Variants in TMEM120B observed in about 807,000 individuals in gnomAD.
TMEM120B encodes transmembrane protein 120B.
Under a neutral mutation model 55.5 loss-of-function variants are expected in TMEM120B, and 31 were observed. The observed-to-expected ratio is 0.56, with a 90% confidence interval of 0.42 to 0.75. TMEM120B has a LOEUF of 0.75. Among genes scored for constraint, TMEM120B ranks in the 30% least tolerant of loss-of-function variants. The pLI is 0.00. For synonymous variants in TMEM120B, 203 were observed against 176.3 expected, an observed-to-expected ratio of 1.15 and a Z score of -1.20; for missense variants, 399 against 425.5, an observed-to-expected ratio of 0.94 and a Z score of 0.55.
rs753705217 is a variant in TMEM120B, at chr12:121,780,886, T to C, written c.*5164T>C. 2.7e-5 allele frequency: 44 copies of C among 1,613,476 alleles called. No individual in the cohort carries two copies. Among genetic ancestry groups the C allele is most frequent in the African/African-American group, 5.3e-5 (4 of 74,936 alleles). ...CCCCGGCCCACCTGCATGTAGGTGA[T>C]GGGCTCCAGCTGGGCGGCCCGGAGC... On this transcript the variant is annotated 3_prime_UTR_variant, in exon 12 of 12. Transcript: ENST00000449592.
chr12:121,742,409 T>C (rs7955445), intron 1 of TMEM120B, among the ~76,000 whole-genome samples: 2,688 of 152,174 alleles, frequency 0.018, 92 homozygotes, highest in African/African-American at 0.062. Context: ...TAAATCCATC[T>C]CTTCAACTGC....
At position 121,728,641 on chromosome 12, in the gene TMEM120B, A is replaced by G. The variant is rs147791198; in HGVS notation, c.70-14988A>G. ...GGCCGACACTCACTTCTGAAATGGAAACACTCAGCCCCAACTGGGAAGGTA... is the reference window on the plus strand; with the variant it reads ...GGCCGACACTCACTTCTGAAATGGAGACACTCAGCCCCAACTGGGAAGGTA... On this transcript the variant is annotated intron_variant, in intron 1 of 11. Coordinates refer to ENST00000449592, the MANE Select transcript of TMEM120B (RefSeq NM_001080825.2). Among the ~76,000 whole-genome samples the G allele has an allele frequency of 1.4e-3, 214 of 152,244 alleles. 1 individual carries two copies. Among genetic ancestry groups the G allele is most frequent in the African/African-American group, 4.8e-3 (201 of 41,572 alleles).
Position 121,777,970 on chromosome 12 carries a change from T to A in TMEM120B, c.*2248T>A, listed in dbSNP as rs898927734. 6.6e-6 allele frequency: 1 copy of A among 152,126 alleles called. No homozygotes were observed. The highest frequency in any genetic ancestry group is 1.5e-5 in the Non-Finnish European group (1 of 68,054). 9.4% of individuals were successfully genotyped at this position (152,126 alleles called of 1,614,324 possible). A position where few individuals can be genotyped will look rare whatever the true frequency, so the allele number is the denominator to read the frequency against. ...AGGCTCCTTCCTTTGGCAACCTGAC[T>A]TCTTGGAAGCTCAGGTTTAGCTGAC... On this transcript the variant is annotated 3_prime_UTR_variant, in exon 12 of 12. Transcript: ENST00000449592.
At chr12:121,761,204 C>T (rs1297910614) in intron 5 of TMEM120B, among the ~76,000 whole-genome samples, 1 of 152,198 alleles carries the variant, frequency 6.6e-6, no homozygotes. Context: ...GTCTCGAACT[C>T]CTGGCCTCAA....
chr12:121,720,293 C>T (rs1894770554), intron 1 of TMEM120B, among the ~76,000 whole-genome samples: 1 of 152,174 alleles, frequency 6.6e-6, no homozygotes, highest in South Asian at 2.1e-4. Flanking sequence ...GAATCTGTCC[C>T]GCACAGGACG....
intron 6 of TMEM120B, among the ~76,000 whole-genome samples, chr12:121,766,290 G>A (rs1247497085): frequency 2.0e-5 from 3 of 151,036 alleles, no homozygotes; most frequent in Non-Finnish European, 4.4e-5. Flanking sequence ...CATCAGCTCA[G>A]CATAATAAGC....
intron 5 of TMEM120B, among the ~76,000 whole-genome samples, chr12:121,756,390 C>T (rs1013676851): frequency 1.3e-5 from 2 of 152,116 alleles, no homozygotes; most frequent in South Asian, 2.1e-4. Context: ...CCCAGCTACT[C>T]GGGAGGCCAA....
intron 9 of TMEM120B, 72 bp downstream of exon 9, chr12:121,773,585 C>T (rs1447925824): frequency 2.5e-6 from 3 of 1,209,630 alleles, no homozygotes; most frequent in Non-Finnish European, 2.3e-6. Context: ...GGGAGTGCAG[C>T]CCTGCGAGCA....
chr12:121,770,859 G>A (rs769305240), intron 6 of TMEM120B, 48 bp from the exon 7 acceptor site: 3 of 1,573,900 alleles, frequency 1.9e-6, no homozygotes, highest in South Asian at 1.1e-5. Context: ...ACACATGCCT[G>A]CGTTGCTCTC....
intron 1 of TMEM120B, among the ~76,000 whole-genome samples, chr12:121,732,425 A>T (rs1484289324): frequency 2.0e-5 from 3 of 151,834 alleles, no homozygotes; most frequent in Non-Finnish European, 2.9e-5. Context: ...CCCTGAAATG[A>T]CTCTGGCCAA....
intron 1 of TMEM120B, among the ~76,000 whole-genome samples, chr12:121,735,872 G>A (rs1342338045): frequency 6.6e-6 from 1 of 152,034 alleles, no homozygotes; most frequent in African/African-American, 2.4e-5. Flanking sequence ...TATATTTTTA[G>A]TAGAGACGGG....
Position 121,775,434 on chromosome 12 carries a change from T to G in TMEM120B, c.907-175T>G, listed in dbSNP as rs962644159. The stretch of plus-strand genomic sequence containing the variant: ...GCCCCATCGAGCCCTTCCCAGGCCC[T>G]GCCCAAGCCTGAGGCCTCACCCTTC... On this transcript the variant is annotated intron_variant, in intron 11 of 11. Coordinates refer to ENST00000449592, the MANE Select transcript of TMEM120B (RefSeq NM_001080825.2). The surrounding 1 kb of genome is among the most constrained non-coding windows in gnomAD (Gnocchi z 4.3). 1 of 985,148 alleles carries G rather than the reference T, an allele frequency of 1.0e-6. No individual in the cohort carries two copies. Among genetic ancestry groups the G allele is most frequent in the Non-Finnish European group, 1.2e-6 (1 of 829,868 alleles). The allele number at this position is 985,148 out of a possible 1,614,324, so 61.0% of individuals were successfully genotyped here.
In TMEM120B at chr12:121,748,441, G is replaced by C. The variant is rs372282645; in HGVS notation, c.304G>C (p.Gly102Arg). Residue 102 changes from glycine (G) to arginine (R), a missense_variant and splice_region_variant, in exon 3 of 12, where the codon GGG (glycine) becomes CGG (arginine). Transcript: ENST00000449592. ...GGAGGCCTACCTGCCCAAGAAGAAC[G>C]GGTAGGAGCTGGCAACCTCCCCACC... Reference protein sequence around the residue: ...DMEAYLPKKNGLYLNLVLGNV... With the variant: ...DMEAYLPKKNRLYLNLVLGNV... 19 of 1,603,828 alleles carry C rather than the reference G, an allele frequency of 1.2e-5. No homozygotes were observed. The Admixed American group carries it at 3.2e-4, about 27-fold the overall frequency.
At chr12:121,770,513 C>T (rs1874005554) in intron 6 of TMEM120B, among the ~76,000 whole-genome samples, 1 of 152,048 alleles carries the variant, frequency 6.6e-6, no homozygotes, top group African/African-American at 2.4e-5. Context: ...TCTAGGAGAG[C>T]CCACATTCCT....
chr12:121,721,804 C>CTTTTTT (rs56702857), intron 1 of TMEM120B, among the ~76,000 whole-genome samples: 1,405 of 91,736 alleles, frequency 0.015, 97 homozygotes, highest in South Asian at 0.026. Context: ...ATCAGTTCTA[C>CTTTTTT]TTTTTTTTTT....
Position 121,776,229 on chromosome 12 carries a change from G to A in TMEM120B, c.*507G>A, listed in dbSNP as rs1031880701. 1 of 243,872 alleles carries A rather than the reference G, an allele frequency of 4.1e-6. No homozygotes were observed. Among genetic ancestry groups the A allele is most frequent in the Admixed American group, 5.6e-5 (1 of 17,810 alleles). 15.1% of individuals were successfully genotyped at this position (243,872 alleles called of 1,614,324 possible). A position where few individuals can be genotyped will look rare whatever the true frequency, so the allele number is the denominator to read the frequency against. On this transcript the variant is annotated 3_prime_UTR_variant, in exon 12 of 12. Coordinates refer to ENST00000449592, the MANE Select transcript of TMEM120B (RefSeq NM_001080825.2). ...CTCGCCCACCCCGCCACGTGGTGAG[G>A]GTTATTTTAAGTTCTCAGAGACCCA...
intron 3 of TMEM120B, among the ~76,000 whole-genome samples, chr12:121,749,896 ACT>A (rs2137180272): frequency 6.9e-6 from 1 of 144,594 alleles, no homozygotes; most frequent in African/African-American, 2.6e-5. Flanking sequence ...ACAGACCGAG[ACT>A]CTGTCTCAAA....
In TMEM120B at chr12:121,776,259, G is replaced by C. The variant is rs918455376; in HGVS notation, c.*537G>C. The C allele has an allele frequency of 1.7e-5, 2 of 118,714 alleles. No individual in the cohort carries two copies. Among genetic ancestry groups the C allele is most frequent in the East Asian group, 2.5e-4 (1 of 4,060 alleles). The allele number at this position is 118,714 out of a possible 1,614,324, so 7.4% of individuals were successfully genotyped here. ...TTTTAAGTTCTCAGAGACCCACCGC[G>C]TCTGCCTCGTGCTCTTCTTGCCCCT... On this transcript the variant is annotated 3_prime_UTR_variant, in exon 12 of 12. Transcript: ENST00000449592.
chr12:121,743,540 A>C, intron 1 of TMEM120B, 89 bp from the exon 2 acceptor site: 1 of 989,662 alleles, frequency 1.0e-6, no homozygotes, highest in Non-Finnish European at 1.5e-6. Flanking sequence ...CCTGGGTGAC[A>C]GAGCGAGACT....
Sources: gnomAD v4.1 joint callset for allele counts (sites outside exome capture counted in the v4.1 genomes callset) on GRCh38, gnomAD v4.1.1 for gene constraint, Gnocchi (gnomAD v3.1) non-coding constraint, MANE v1.5 for transcripts, NCBI Gene and HGNC (gene_info 2026-07-23, HGNC 2026-07-21) for gene names.